Variants in SULT4A1 observed in about 807,000 individuals in gnomAD.
SULT4A1 encodes sulfotransferase 4A1.
SULT4A1 carries 11 observed loss-of-function variants against 35.2 expected under a neutral mutation model. The ratio of observed to expected loss-of-function variants is 0.31; its 90% CI spans 0.20 to 0.52. The LOEUF is 0.52. SULT4A1 is among the 20% of genes least tolerant of loss of function. The probability of loss-of-function intolerance (pLI) is 0.97; values close to 1 mark genes in which losing one functional copy is unlikely to be tolerated. For synonymous variants in SULT4A1, 152 were observed against 151.8 expected, an observed-to-expected ratio of 1.00 and a Z score of -0.01; for missense variants, 271 against 383.7, an observed-to-expected ratio of 0.71 and a Z score of 2.45.
rs2063294225 is a variant in SULT4A1, at chr22:43,827,311, T to A, written c.743-1198A>T. The A allele has an allele frequency of 3.0e-6, 3 of 985,302 alleles. No individual in the cohort carries two copies. The African/African-American group carries it at 5.2e-5, about 17-fold the overall frequency. 61.0% of individuals were successfully genotyped at this position (985,302 alleles called of 1,614,324 possible). On this transcript the variant is annotated intron_variant, in intron 6 of 6. Coordinates refer to ENST00000330884, the MANE Select transcript of SULT4A1 (RefSeq NM_014351.4). Reference sequence around the variant, plus strand: ...AACTGCAACCCTGCAAATGCTGAGCTAAAATACCCAACGTAACACGGACTT... The same window carrying A: ...AACTGCAACCCTGCAAATGCTGAGCAAAAATACCCAACGTAACACGGACTT...
chr22:43,862,288 C>A lies in SULT4A1; in HGVS notation c.95G>T (p.Arg32Leu). 6.4e-7 allele frequency: 1 copy of A among 1,572,480 alleles called. No homozygotes were observed. The highest frequency in any genetic ancestry group is 1.8e-5 in the Admixed American group (1 of 56,256). Residue 32 changes from arginine to leucine, a missense_variant, in exon 1 of 7, where the codon CGC becomes CTC. Physicochemically the swap from Arg to Leu is moderately radical, Grantham distance 102 (BLOSUM62 -2). Coordinates refer to ENST00000330884, the MANE Select transcript of SULT4A1 (RefSeq NM_014351.4). ...FHGVRLPPFC[R>L]GKMEEIANFP... ...GTTGGCGATCTCCTCCATCTTCCCG[C>A]GGCAGAAGGGCGGCAGCCGCACGCC... is the stretch of plus-strand genomic sequence containing the variant.
intron 6 of SULT4A1, 141 bp from the exon 7 acceptor site, chr22:43,826,254 GCCGTCTGAGCTA>G (rs1471158367): frequency 9.6e-6 from 14 of 1,460,134 alleles, no homozygotes; most frequent in Non-Finnish European, 1.3e-5. Context: ...GGCAGGAAGG[GCCGTCTGAGCTA>G]CAGACCAGGT....
chr22:43,826,790 A>G, intron 6 of SULT4A1: 1 of 985,480 alleles, frequency 1.0e-6, no homozygotes, highest in Non-Finnish European at 1.2e-6. Context: ...GACTAGATGC[A>G]AAACATGCAC....
intron 1 of SULT4A1, among the ~76,000 whole-genome samples, chr22:43,845,420 C>T (rs568909725): frequency 6.6e-6 from 1 of 152,352 alleles, no homozygotes; most frequent in East Asian, 1.9e-4. Flanking sequence ...CAGCAAGCAG[C>T]CCCTCCAGCT....
intron 1 of SULT4A1, among the ~76,000 whole-genome samples, chr22:43,843,509 C>T (rs1272089245): frequency 2.6e-5 from 4 of 152,256 alleles, no homozygotes; most frequent in Non-Finnish European, 4.4e-5. Context: ...GAAGGAATGT[C>T]GCACAGGCAG....
At chr22:43,835,493 C>G (rs1022059816) in intron 4 of SULT4A1, among the ~76,000 whole-genome samples, 2 of 152,204 alleles carry the variant, frequency 1.3e-5, no homozygotes, top group Non-Finnish European at 2.9e-5. Context: ...CACGGAGGAG[C>G]TGCACCCACA....
rs911039042 is a variant in SULT4A1, at chr22:43,826,758, C to T, written c.743-645G>A. The T allele has an allele frequency of 1.2e-5, 12 of 985,448 alleles. No homozygotes were observed. The Admixed American group carries it at 6.8e-4, about 55-fold the overall frequency. The allele number at this position is 985,448 out of a possible 1,614,324, so 61.0% of individuals were successfully genotyped here. ...AGGAATTTAAAGTGAATCAAATAGT[C>T]GCAGCATTAGCTAGCTTTACAGACT... is the stretch of plus-strand genomic sequence containing the variant. On this transcript the variant is annotated intron_variant, in intron 6 of 6. Coordinates refer to ENST00000330884, the MANE Select transcript of SULT4A1 (RefSeq NM_014351.4).
intron 1 of SULT4A1, among the ~76,000 whole-genome samples, chr22:43,843,942 C>G (rs1362806340): frequency 6.6e-6 from 1 of 152,112 alleles, no homozygotes; most frequent in African/African-American, 2.4e-5. Context: ...TGGTTGGCAT[C>G]AGAACTGGGG....
At chr22:43,839,860 A>T in intron 3 of SULT4A1, 85 bp downstream of exon 3, 1 of 1,312,044 alleles carries the variant, frequency 7.6e-7, no homozygotes, top group Non-Finnish European at 1.1e-6. Context: ...GGTAAGTGCC[A>T]GGGACCTGCA....
chr22:43,845,292 C>T (rs1230952000), intron 1 of SULT4A1, among the ~76,000 whole-genome samples: 2 of 152,170 alleles, frequency 1.3e-5, no homozygotes, highest in Non-Finnish European at 2.9e-5. Context: ...CATCAGCCTC[C>T]GGGGCACATG....
intron 5 of SULT4A1, among the ~76,000 whole-genome samples, chr22:43,831,935 C>A (rs1301232563): frequency 6.6e-6 from 1 of 152,230 alleles, no homozygotes; most frequent in East Asian, 1.9e-4. Context: ...ACACACCAGG[C>A]GGGCCCGTGC....
At chr22:43,842,975 A>ATATCTC (rs2063446208) in intron 1 of SULT4A1, among the ~76,000 whole-genome samples, 1 of 144,480 alleles carries the variant, frequency 6.9e-6, no homozygotes, top group Non-Finnish European at 1.5e-5. Context: ...AGTAAACAGC[A>ATATCTC]TCTCTCTCTC....
At chr22:43,837,794 T>C (rs1324296277) in intron 4 of SULT4A1, among the ~76,000 whole-genome samples, 2 of 152,136 alleles carry the variant, frequency 1.3e-5, no homozygotes, top group Admixed American at 1.3e-4. Context: ...TGCCCTAAGT[T>C]CCACTTAAAC....
At chr22:43,854,419 C>T (rs1403943486) in intron 1 of SULT4A1, among the ~76,000 whole-genome samples, 1 of 152,224 alleles carries the variant, frequency 6.6e-6, no homozygotes, top group Middle Eastern at 3.2e-3. Context: ...AGTCAATCTG[C>T]ACACACGGGG....
chr22:43,834,325 C>G (rs915133247), intron 4 of SULT4A1, among the ~76,000 whole-genome samples: 1 of 137,200 alleles, frequency 7.3e-6, no homozygotes, highest in Non-Finnish European at 1.6e-5. Flanking sequence ...CCCTGTGCTT[C>G]CCGCGCCCCC....
chr22:43,845,311 C>T (rs1402559181), intron 1 of SULT4A1, among the ~76,000 whole-genome samples: 3 of 152,056 alleles, frequency 2.0e-5, no homozygotes, highest in African/African-American at 7.2e-5. Flanking sequence ...TGCCCACCAA[C>T]TCCAGTACCT....
At chr22:43,852,671 C>T (rs1347635302) in intron 1 of SULT4A1, among the ~76,000 whole-genome samples, 3 of 151,952 alleles carry the variant, frequency 2.0e-5, no homozygotes, top group South Asian at 2.1e-4. Flanking sequence ...CCTGTGCTTC[C>T]GCACACTGTC....
At position 43,840,009 on chromosome 22, in the gene SULT4A1, C is replaced by G; in HGVS notation, c.317G>C (p.Arg106Pro). The G allele has an allele frequency of 6.3e-7, 1 of 1,585,964 alleles. No homozygotes were observed. Among genetic ancestry groups the G allele is most frequent in the Non-Finnish European group, 8.6e-7 (1 of 1,165,792 alleles). The change falls in exon 3 of 7, where the codon CGC becomes CCC. Residue 106 changes from arginine (R) to proline (P), a missense_variant. Arg to Pro is a moderately radical substitution (Grantham distance 103). Around this residue, in one of 3 missense-constraint regions of SULT4A1, gnomAD observed 164 missense variants for 254.1 expected, o/e 0.65. Coordinates refer to ENST00000330884, the MANE Select transcript of SULT4A1 (RefSeq NM_014351.4). ...LDIIKELTSP[R>P]LIKSHLPYRF... Reference sequence around the variant, plus strand: ...GTAGGGCAGGTGGCTCTTGATGAGGCGGGGAGAGGTCAGTTCCTGCGTGGA... The same window carrying G: ...GTAGGGCAGGTGGCTCTTGATGAGGGGGGGAGAGGTCAGTTCCTGCGTGGA...
At position 43,829,111 on chromosome 22, in the gene SULT4A1, G is replaced by A; in HGVS notation, c.691C>T (p.His231Tyr). 6.4e-7 allele frequency: 1 copy of A among 1,554,536 alleles called. No individual in the cohort carries two copies. The highest frequency in any genetic ancestry group is 1.4e-5 in the African/African-American group (1 of 73,222). ...AQLEALTEHC[H>Y]QLVDQCCNAE... ...TTGCAGCACTGGTCCACCAGCTGGT[G>A]GCAGTGCTCCGTCAGGGCTTCCAGC... The change falls in exon 6 of 7, where the codon CAC (histidine) becomes TAC (tyrosine). Residue 231 changes from histidine (H) to tyrosine (Y), a missense_variant. Physicochemically the swap from His to Tyr is moderately conservative, Grantham distance 83. Around this residue, in one of 3 missense-constraint regions of SULT4A1, gnomAD observed 75 missense variants for 67.7 expected, o/e 1.11. Coordinates refer to ENST00000330884, the MANE Select transcript of SULT4A1 (RefSeq NM_014351.4).
Sources: allele counts gnomAD v4.1 joint callset (sites outside exome capture counted in the v4.1 genomes callset), GRCh38; gene constraint gnomAD v4.1.1; regional missense constraint gnomAD v4.1.1; transcripts MANE v1.5; gene names NCBI Gene and HGNC (gene_info 2026-07-23, HGNC 2026-07-21).